Variants in AKAP9 observed in about 807,000 individuals in gnomAD.
The protein encoded by AKAP9 is A-kinase anchoring protein 9, also known as A-kinase anchor protein 9.
A neutral mutation model predicts 488.5 loss-of-function variants in AKAP9; 311 were observed. That is an observed-to-expected ratio of 0.64 (90% confidence interval 0.58 to 0.70). AKAP9 has a LOEUF of 0.70. Ranked by LOEUF, AKAP9 falls within the 30% of genes least tolerant of loss-of-function variation. AKAP9 has a pLI of 0.00. For missense variants in AKAP9, 4,215 were observed against 4,374.5 expected (o/e 0.96, Z 1.03); for synonymous variants, 1,462 against 1,483.5 (o/e 0.99, Z 0.33).
In AKAP9 at chr7:92,070,183, G is replaced by A. The variant is rs563581783; in HGVS notation, c.6484G>A (p.Val2162Met). The A allele has an allele frequency of 2.5e-6, 4 of 1,614,066 alleles. No individual in the cohort carries two copies. The Admixed American group carries it at 5.0e-5, about 20-fold the overall frequency. Reference protein sequence around the residue: ...RVRELEQALLVSADTFQKVED... With the variant: ...RVRELEQALLMSADTFQKVED... ...AAGAGAACTGGAGCAGGCGCTTCTT[G>A]TGAGTGCAGATACTTTTCAAAAGGT... The change falls in exon 27 of 50, where the codon GTG becomes ATG. Residue 2162 changes from valine (V) to methionine (M), a missense_variant. Physicochemically the swap from Val to Met is conservative, Grantham distance 21. This residue lies in a region of AKAP9 where 2,361 missense variants were observed against 2,430.0 expected (regional missense o/e 0.97). Transcript: ENST00000356239.
intron 49 of AKAP9, 79 bp downstream of exon 49, chr7:92,108,712 C>A: frequency 6.5e-7 from 1 of 1,541,930 alleles, no homozygotes; most frequent in Non-Finnish European, 8.9e-7. Flanking sequence ...TTCTTTCACA[C>A]TCATTAGGAT....
chr7:92,040,115 G>T (rs573456899), intron 17 of AKAP9, among the ~76,000 whole-genome samples: 15 of 152,156 alleles, frequency 9.9e-5, no homozygotes, highest in Non-Finnish European at 1.8e-4. Context: ...TGATGTACTC[G>T]TAGAACATAT....
intron 1 of AKAP9, among the ~76,000 whole-genome samples, chr7:91,970,209 A>G (rs1175696495): frequency 6.6e-6 from 1 of 151,998 alleles, no homozygotes; most frequent in Non-Finnish European, 1.5e-5. Flanking sequence ...AACCCTCTAT[A>G]CTCTAACTCC....
intron 45 of AKAP9, 145 bp downstream of exon 45, chr7:92,101,201 C>A (rs1000794575): frequency 2.8e-6 from 2 of 709,264 alleles, no homozygotes; most frequent in African/African-American, 1.8e-5. Context: ...CTTTGGGAGG[C>A]CGAGATGGGC....
chr7:91,981,958 G>T (rs1040950665), intron 3 of AKAP9, among the ~76,000 whole-genome samples: 2 of 152,082 alleles, frequency 1.3e-5, no homozygotes, highest in South Asian at 2.1e-4. Flanking sequence ...TAAACTGCCT[G>T]TATCTCTGGG....
intron 12 of AKAP9, among the ~76,000 whole-genome samples, chr7:92,019,260 GC>G (rs763039061): frequency 6.6e-6 from 1 of 151,610 alleles, no homozygotes; most frequent in Non-Finnish European, 1.5e-5. Context: ...TCCTGCCTCA[GC>G]CTCCTGAGTA....
At chr7:92,072,556 G>A (rs1167372668) in intron 28 of AKAP9, among the ~76,000 whole-genome samples, 1 of 152,134 alleles carries the variant, frequency 6.6e-6, no homozygotes, top group Admixed American at 6.5e-5. Flanking sequence ...TGGTATTTGA[G>A]ATACTTTTCT....
intron 1 of AKAP9, among the ~76,000 whole-genome samples, chr7:91,965,667 C>G (rs1190912940): frequency 6.6e-6 from 1 of 152,162 alleles, no homozygotes; most frequent in South Asian, 2.1e-4. Flanking sequence ...AAGGGCTCTT[C>G]TCTCTCCACA....
chr7:92,047,445 CT>C (rs1216426631), intron 21 of AKAP9, among the ~76,000 whole-genome samples: 9 of 152,168 alleles, frequency 5.9e-5, no homozygotes, highest in Non-Finnish European at 1.3e-4. Context: ...TTTCGAACTC[CT>C]GACCTCAAGT....
At chr7:91,988,959 A>C (rs1797444152) in intron 3 of AKAP9, among the ~76,000 whole-genome samples, 1 of 152,212 alleles carries the variant, frequency 6.6e-6, no homozygotes, top group Admixed American at 6.6e-5. Context: ...GGGGACGATG[A>C]TATCTACCTG....
At chr7:91,989,766 T>C (rs1005964573) in intron 3 of AKAP9, among the ~76,000 whole-genome samples, 10 of 152,058 alleles carry the variant, frequency 6.6e-5, no homozygotes, top group African/African-American at 2.4e-4. Flanking sequence ...ATCAGATTTT[T>C]ATTTTTTATG....
rs1423223603 is a variant in AKAP9, at chr7:91,973,841, C to T, written c.179C>T (p.Ser60Leu). 3.7e-6 allele frequency: 6 copies of T among 1,613,932 alleles called. No homozygotes were observed. The highest frequency in any genetic ancestry group is 5.1e-6 in the Non-Finnish European group (6 of 1,180,014). ...SAHHDLNIDQ[S>L]QCNEMYINSS... The stretch of plus-strand genomic sequence containing the variant: ...CACCATGATTTGAATATTGATCAAT[C>T]ACAGTGTAATGAAATGTACATAAAT... The change falls in exon 2 of 50, where the codon TCA becomes TTA. Residue 60 changes from serine to leucine, a missense_variant. This residue lies in a region of AKAP9 where 2,361 missense variants were observed against 2,430.0 expected (regional missense o/e 0.97). Transcript: ENST00000356239.
chr7:92,027,192 G>C (rs1363395261), intron 14 of AKAP9, among the ~76,000 whole-genome samples: 3 of 146,862 alleles, frequency 2.0e-5, no homozygotes, highest in African/African-American at 5.1e-5. Flanking sequence ...GAAGTGAGGA[G>C]TGCCTCTGCC....
chr7:92,024,255 T>C (rs550290283), intron 14 of AKAP9, among the ~76,000 whole-genome samples: 32 of 151,432 alleles, frequency 2.1e-4, no homozygotes, highest in African/African-American at 7.7e-4. Context: ...CTACTAAAAA[T>C]ATAAAAATTA....
intron 37 of AKAP9, among the ~76,000 whole-genome samples, chr7:92,088,527 A>G (rs1012824548): frequency 2.6e-5 from 4 of 152,300 alleles, no homozygotes; most frequent in Middle Eastern, 3.4e-3. Context: ...GAAACAAACT[A>G]TTTATGCCTA....
At chr7:92,065,928 T>A (rs995667070) in intron 25 of AKAP9, among the ~76,000 whole-genome samples, 1 of 152,314 alleles carries the variant, frequency 6.6e-6, no homozygotes, top group South Asian at 2.1e-4. Flanking sequence ...ATTTCACATT[T>A]TTTTTTCCTT....
intron 8 of AKAP9, among the ~76,000 whole-genome samples, chr7:92,009,092 G>A (rs1362227553): frequency 6.6e-6 from 1 of 152,086 alleles, no homozygotes; most frequent in East Asian, 1.9e-4. Flanking sequence ...GCTGAGACAG[G>A]AGGAGTGCTT....
At position 92,012,732 on chromosome 7, in the gene AKAP9, C is replaced by A. The variant is rs982930279; in HGVS notation, c.3532+90C>A. 3.7e-6 allele frequency: 4 copies of A among 1,072,382 alleles called. No homozygotes were observed. The African/African-American group carries it at 4.8e-5, about 13-fold the overall frequency. 66.4% of individuals were successfully genotyped at this position (1,072,382 alleles called of 1,614,324 possible). A position where few individuals can be genotyped will look rare whatever the true frequency, so the allele number is the denominator to read the frequency against. On this transcript the variant is annotated intron_variant, in intron 9 of 49. Coordinates refer to ENST00000356239, the MANE Select transcript of AKAP9 (RefSeq NM_005751.5). ...TATAATTTTTTCCTTGTCATAGAAC[C>A]CACAGAGGAAGGTGATTTGTTTACC...
intron 21 of AKAP9, among the ~76,000 whole-genome samples, chr7:92,047,884 A>G (rs1230489198): frequency 6.6e-6 from 1 of 152,182 alleles, no homozygotes; most frequent in Non-Finnish European, 1.5e-5. Context: ...AGTTAACTCC[A>G]TCTTACTGTT....
Sources: gnomAD v4.1 joint callset for allele counts (sites outside exome capture counted in the v4.1 genomes callset) on GRCh38, gnomAD v4.1.1 for gene constraint, gnomAD v4.1.1 regional missense constraint, MANE v1.5 for transcripts, NCBI Gene and HGNC (gene_info 2026-07-23, HGNC 2026-07-21) for gene names.